The following ACTN1 variants were observed in gnomAD, a reference collection of about 807,000 sequenced individuals.
ACTN1 encodes actinin alpha 1, also known as alpha-actinin-1.
In ACTN1, 30 loss-of-function variants were observed where a neutral mutation model predicts 119.6. The ratio of observed to expected loss-of-function variants is 0.25; its 90% CI spans 0.19 to 0.34. ACTN1 has a LOEUF of 0.34. Ranked by LOEUF, ACTN1 falls within the 10% of genes least tolerant of loss-of-function variation. The pLI, the probability that ACTN1 is intolerant of heterozygous loss-of-function variation, is 1.00. For synonymous variants in ACTN1, 429 were observed against 472.6 expected (o/e 0.91, Z 1.20); for missense variants, 764 against 1,223.4 (o/e 0.62, Z 5.60).
intron 7 of ACTN1, among the ~76,000 whole-genome samples, chr14:68,904,327 C>G (rs567870274): frequency 9.0e-4 from 137 of 152,266 alleles, no homozygotes; most frequent in African/African-American, 3.2e-3. Flanking sequence ...CTTCCCATCC[C>G]AAACTGTGCC....
Position 68,921,121 on chromosome 14 carries a change from T to C in ACTN1, c.225A>G (p.Glu75=), listed in dbSNP as rs138523330. Residue 75 remains glutamate (E), a synonymous_variant, in exon 3 of 22, where the codon GAA becomes GAG. Coordinates refer to ENST00000394419, the MANE Select transcript of ACTN1 (RefSeq NM_001130004.2). ...LMLLLEVISG[E]RLAKPERGKM... ...TGCCTCGCTCTGGCTTGGCCAAGCG[T>C]TCACCTGTTTGGATCAAGAGGGAGG... 2.5e-6 allele frequency: 4 copies of C among 1,614,086 alleles called. No homozygotes were observed. Among genetic ancestry groups the C allele is most frequent in the Non-Finnish European group, 2.5e-6 (3 of 1,179,956 alleles).
chr14:68,884,340 C>A (rs1252148848), intron 13 of ACTN1, 32 bp from the exon 14 acceptor site: 1 of 1,596,152 alleles, frequency 6.3e-7, no homozygotes, highest in Non-Finnish European at 8.6e-7. Context: ...AGGGTTAGTA[C>A]AGTGATGTCC....
At chr14:68,901,256 T>TG (rs1404906811) in intron 8 of ACTN1, among the ~76,000 whole-genome samples, 1 of 145,760 alleles carries the variant, frequency 6.9e-6, no homozygotes, top group Non-Finnish European at 1.5e-5. Context: ...TTTGTTTTTT[T>TG]TTTTTTTTTG....
At chr14:68,926,906 A>T (rs2034954763) in intron 1 of ACTN1, among the ~76,000 whole-genome samples, 1 of 152,194 alleles carries the variant, frequency 6.6e-6, no homozygotes. Flanking sequence ...GCCTATGAAC[A>T]AGAAAGGGAA....
chr14:68,881,792 A>T (rs1364886837), intron 16 of ACTN1, among the ~76,000 whole-genome samples: 2 of 152,056 alleles, frequency 1.3e-5, no homozygotes, highest in African/African-American at 4.8e-5. Flanking sequence ...TTCTGGGAAG[A>T]TCAATCATTT....
intron 1 of ACTN1, among the ~76,000 whole-genome samples, chr14:68,977,039 A>AACTT (rs1299609790): frequency 2.0e-5 from 3 of 152,122 alleles, no homozygotes; most frequent in Non-Finnish European, 2.9e-5. Context: ...GTCCCCTAGG[A>AACTT]ACTTGGTCTC....
chr14:68,875,355 T>C (rs1354654181), intron 21 of ACTN1, among the ~76,000 whole-genome samples: 4 of 152,278 alleles, frequency 2.6e-5, no homozygotes, highest in African/African-American at 4.8e-5. Flanking sequence ...GCAGATACTC[T>C]GGTGGAGCGT....
chr14:68,947,894 G>A (rs544547894), intron 1 of ACTN1, among the ~76,000 whole-genome samples: 5 of 152,328 alleles, frequency 3.3e-5, no homozygotes, highest in South Asian at 2.1e-4. Context: ...AAGGGAGTGC[G>A]AGGTCAGAGA....
rs2034091737 is a variant in ACTN1, at chr14:68,912,964, G to A, written c.341-722C>T. On this transcript the variant is annotated intron_variant, in intron 3 of 21. Transcript: ENST00000394419. Reference sequence around the variant, plus strand: ...ACACGTGGAAAAACAGTGGAATCAAGAGAAAGTCACAAACTTAAAGTTTTG... The same window carrying A: ...ACACGTGGAAAAACAGTGGAATCAAAAGAAAGTCACAAACTTAAAGTTTTG... Among the ~76,000 whole-genome samples, 3 of 152,160 alleles carry A rather than the reference G, an allele frequency of 2.0e-5. No individual in the cohort carries two copies. The South Asian group carries it at 6.2e-4, about 32-fold the overall frequency.
At chr14:68,919,039 G>A (rs538896057) in intron 3 of ACTN1, among the ~76,000 whole-genome samples, 39 of 152,324 alleles carry the variant, frequency 2.6e-4, no homozygotes, top group Admixed American at 1.7e-3. Flanking sequence ...AACACAGAGC[G>A]GGTACTCGGT....
At chr14:68,913,608 G>A (rs919588654) in intron 3 of ACTN1, among the ~76,000 whole-genome samples, 2 of 152,174 alleles carry the variant, frequency 1.3e-5, no homozygotes, top group Non-Finnish European at 2.9e-5. Flanking sequence ...ATGACCAGCC[G>A]GGTGTAGTCC....
Position 68,880,478 on chromosome 14 carries a change from C to CAG in ACTN1, c.2133+331_2133+332insCT, listed in dbSNP as rs2031404340. Among the ~76,000 whole-genome samples the CAG allele has an allele frequency of 6.6e-6, 1 of 151,012 alleles. No individual in the cohort carries two copies. Among genetic ancestry groups the CAG allele is most frequent in the African/African-American group, 2.4e-5 (1 of 40,894 alleles). On this transcript the variant is annotated intron_variant, in intron 17 of 21. Coordinates refer to ENST00000394419, the MANE Select transcript of ACTN1 (RefSeq NM_001130004.2). The surrounding 1 kb of genome is among the most constrained non-coding windows in gnomAD (Gnocchi z 4.6). Reference sequence around the variant, plus strand: ...GCACACACACATACACACACACACACTCTTGCACAGTTAAAACAAGTAGCC... The same window carrying CAG: ...GCACACACACATACACACACACACACAGTCTTGCACAGTTAAAACAAGTAGCC...
At chr14:68,943,238 A>T (rs2035824620) in intron 1 of ACTN1, among the ~76,000 whole-genome samples, 1 of 152,124 alleles carries the variant, frequency 6.6e-6, no homozygotes, top group African/African-American at 2.4e-5. Context: ...GCAAGCAGGG[A>T]GCAGCAAGCT....
At chr14:68,940,167 A>C (rs1182396090) in intron 1 of ACTN1, among the ~76,000 whole-genome samples, 1 of 152,190 alleles carries the variant, frequency 6.6e-6, no homozygotes, top group African/African-American at 2.4e-5. Context: ...CAGGTCTGAG[A>C]GCACACAGGC....
intron 1 of ACTN1, among the ~76,000 whole-genome samples, chr14:68,934,537 T>TG (rs1203286503): frequency 8.5e-5 from 13 of 152,268 alleles, no homozygotes; most frequent in Non-Finnish European, 1.6e-4. Context: ...ACAACTCTGA[T>TG]GGACAGCAAC....
chr14:68,932,583 T>G (rs1475267559), intron 1 of ACTN1, among the ~76,000 whole-genome samples: 5 of 145,760 alleles, frequency 3.4e-5, no homozygotes, highest in Non-Finnish European at 6.0e-5. Context: ...CCCAGGCTGG[T>G]CTCAAACTTT....
intron 11 of ACTN1, chr14:68,888,185 A>G: frequency 6.3e-6 from 3 of 475,606 alleles, no homozygotes; most frequent in South Asian, 4.1e-5. Flanking sequence ...CCTCACGCCC[A>G]GGATAGATTC....
chr14:68,968,500 C>T (rs1566680718), intron 1 of ACTN1, among the ~76,000 whole-genome samples: 1 of 152,216 alleles, frequency 6.6e-6, no homozygotes, highest in African/African-American at 2.4e-5. Flanking sequence ...TTAAAACAGG[C>T]ACAAAGATAC....
chr14:68,961,150 A>G (rs982629451), intron 1 of ACTN1, among the ~76,000 whole-genome samples: 5 of 152,230 alleles, frequency 3.3e-5, no homozygotes, highest in African/African-American at 1.2e-4. Context: ...AAGAGGCAGG[A>G]AAGTACAAAT....
Sources: allele counts gnomAD v4.1 joint callset (sites outside exome capture counted in the v4.1 genomes callset), GRCh38; gene constraint gnomAD v4.1.1; non-coding constraint Gnocchi (gnomAD v3.1); transcripts MANE v1.5; gene names NCBI Gene and HGNC (gene_info 2026-07-23, HGNC 2026-07-21).